The following APP variants were observed in gnomAD, a reference collection of about 807,000 sequenced individuals.
The protein encoded by APP is amyloid beta precursor protein, also known as amyloid-beta precursor protein.
APP carries 31 observed loss-of-function variants against 101.4 expected under a neutral mutation model. The ratio of observed to expected loss-of-function variants is 0.31; its 90% confidence interval spans 0.23 to 0.41. The LOEUF is 0.41. Ranked by LOEUF, APP falls within the 10% of genes least tolerant of loss-of-function variation. The pLI is 1.00. For missense variants in APP, 839 were observed against 1,003.7 expected (o/e 0.84, Z 2.22); for synonymous variants, 366 against 364.4 (o/e 1.00, Z -0.05).
intron 11 of APP, among the ~76,000 whole-genome samples, chr21:25,964,091 G>A (rs2041693724): frequency 6.6e-6 from 1 of 152,180 alleles, no homozygotes; most frequent in African/African-American, 2.4e-5. Flanking sequence ...TAGTTCATAA[G>A]GCCAGAGCAA....
intron 1 of APP, among the ~76,000 whole-genome samples, chr21:26,155,013 A>G (rs2063346666): frequency 6.6e-6 from 1 of 152,206 alleles, no homozygotes; most frequent in African/African-American, 2.4e-5. Flanking sequence ...GCACTTTGGG[A>G]GGCCAAAGCG....
intron 1 of APP, among the ~76,000 whole-genome samples, chr21:26,130,266 C>T (rs147541077): frequency 1.3e-5 from 2 of 152,362 alleles, no homozygotes; most frequent in African/African-American, 4.8e-5. Context: ...TAATGAGGCT[C>T]TCACAGTTAT....
intron 1 of APP, among the ~76,000 whole-genome samples, chr21:26,130,755 C>A (rs1034009420): frequency 3.3e-5 from 5 of 152,128 alleles, no homozygotes; most frequent in African/African-American, 9.7e-5. Flanking sequence ...GCTTCAACAC[C>A]CAGAGACTTG....
Position 26,112,232 on chromosome 21 carries a change from A to C in APP, c.58-86T>G, listed in dbSNP as rs45623039. ...AAGAACAGGGATAACTATCAAAAAG[A>C]GTTCTATTCTTGCTCATTCTCAATT... On this transcript the variant is annotated intron_variant, in intron 1 of 17. Transcript: ENST00000346798. 1.8e-3 allele frequency: 2,548 copies of C among 1,417,054 alleles called. 39 individuals carry two copies. The African/African-American group carries it at 0.03, about 17-fold the overall frequency. 87.8% of individuals were successfully genotyped at this position (1,417,054 alleles called of 1,614,324 possible). A position where few individuals can be genotyped will look rare whatever the true frequency, so the allele number is the denominator to read the frequency against.
chr21:26,038,639 C>T (rs1412135188), intron 5 of APP, among the ~76,000 whole-genome samples: 1 of 152,106 alleles, frequency 6.6e-6, no homozygotes, highest in African/African-American at 2.4e-5. Context: ...TGGCAGGCAC[C>T]CGTAATCCCA....
At chr21:25,996,364 C>T (rs45603438) in intron 8 of APP, among the ~76,000 whole-genome samples, 2,106 of 152,026 alleles carry the variant, frequency 0.014, 22 homozygotes, top group East Asian at 0.018. Context: ...TCTTATAACA[C>T]ACATAAATTG....
chr21:26,024,519 A>G (rs2044484546), intron 5 of APP, among the ~76,000 whole-genome samples: 1 of 152,204 alleles, frequency 6.6e-6, no homozygotes, highest in Admixed American at 6.5e-5. Context: ...TGATTCCATG[A>G]TCTACGACAA....
chr21:25,885,548 C>T (rs572158524), intron 17 of APP, among the ~76,000 whole-genome samples: 9 of 152,156 alleles, frequency 5.9e-5, no homozygotes, highest in Non-Finnish European at 8.8e-5. Flanking sequence ...TATTCATTCT[C>T]TTCCCAGACT....
At chr21:26,139,761 C>G (rs1476118630) in intron 1 of APP, among the ~76,000 whole-genome samples, 1 of 152,066 alleles carries the variant, frequency 6.6e-6, no homozygotes, top group Non-Finnish European at 1.5e-5. Flanking sequence ...GACGTGGTGG[C>G]ACACACCTGT....
chr21:26,089,502 CTTTTTTTTT>C (rs34481840), intron 3 of APP: 5 of 74,848 alleles, frequency 6.7e-5, no homozygotes, highest in Non-Finnish European at 7.9e-5. Context: ...GTAGAACAGC[CTTTTTTTTT>C]TTTTTTTTTT....
intron 3 of APP, among the ~76,000 whole-genome samples, chr21:26,070,372 T>A (rs2046624049): frequency 6.6e-6 from 1 of 152,170 alleles, no homozygotes; most frequent in South Asian, 2.1e-4. Context: ...TAATTGAATT[T>A]CTGGACTTCT....
At chr21:25,890,780 A>C (rs1228042164) in intron 17 of APP, among the ~76,000 whole-genome samples, 1 of 150,852 alleles carries the variant, frequency 6.6e-6, no homozygotes, top group Non-Finnish European at 1.5e-5. Context: ...TCTGAGCTTG[A>C]CCTTGCATAA....
At chr21:26,135,919 G>A (rs1419680394) in intron 1 of APP, among the ~76,000 whole-genome samples, 1 of 151,842 alleles carries the variant, frequency 6.6e-6, no homozygotes, top group Non-Finnish European at 1.5e-5. Flanking sequence ...GGATCACGAG[G>A]TCAGAAGTTC....
At chr21:26,083,127 A>T (rs572648593) in intron 3 of APP, among the ~76,000 whole-genome samples, 1 of 152,324 alleles carries the variant, frequency 6.6e-6, no homozygotes, top group South Asian at 2.1e-4. Flanking sequence ...TTTCATAAAC[A>T]ATTATGTGGC....
At chr21:26,017,944 C>G (rs904823618) in intron 6 of APP, among the ~76,000 whole-genome samples, 5 of 152,086 alleles carry the variant, frequency 3.3e-5, no homozygotes, top group African/African-American at 4.8e-5. Flanking sequence ...CGTGTGCTCA[C>G]TTTTATTTTT....
intron 3 of APP, among the ~76,000 whole-genome samples, chr21:26,080,601 T>C: frequency 6.6e-6 from 1 of 151,720 alleles, no homozygotes; most frequent in East Asian, 1.9e-4. Context: ...ATTCCGTCTC[T>C]ACTAAAAATA....
chr21:25,915,258 A>G (rs1455341111), intron 13 of APP, among the ~76,000 whole-genome samples: 1 of 152,198 alleles, frequency 6.6e-6, no homozygotes, highest in Non-Finnish European at 1.5e-5. Context: ...CTATCTTGGA[A>G]GCCCATCTCT....
chr21:25,949,841 AC>A (rs2040986175), intron 13 of APP, among the ~76,000 whole-genome samples: 1 of 152,226 alleles, frequency 6.6e-6, no homozygotes, highest in African/African-American at 2.4e-5. Flanking sequence ...CAGAAAGAAC[AC>A]AGATTTTGGA....
intron 13 of APP, among the ~76,000 whole-genome samples, chr21:25,936,247 C>A (rs760863032): frequency 1.6e-4 from 24 of 147,196 alleles, no homozygotes; most frequent in Non-Finnish European, 2.8e-4. Flanking sequence ...TCCAATAGGA[C>A]AGGTGTCCTT....
Sources: allele counts gnomAD v4.1 joint callset (sites outside exome capture counted in the v4.1 genomes callset), GRCh38; gene constraint gnomAD v4.1.1; transcripts MANE v1.5; gene names NCBI Gene and HGNC (gene_info 2026-07-23, HGNC 2026-07-21).